The following MACROD2 variants were observed in gnomAD, a reference collection of about 807,000 sequenced individuals.
MACROD2 encodes ADP-ribose glycohydrolase MACROD2.
MACROD2 carries 36 observed loss-of-function variants against 70.4 expected under a neutral mutation model. The observed-to-expected ratio is 0.51, with a 90% CI of 0.39 to 0.68. The LOEUF (loss-of-function observed/expected upper bound fraction) is 0.68, where lower values mean the gene tolerates loss of function less well. Ranked by LOEUF, MACROD2 falls within the 30% of genes least tolerant of loss-of-function variation. The pLI is 0.00. For synonymous variants in MACROD2, 172 were observed against 178.8 expected (o/e 0.96, Z 0.30); for missense variants, 496 against 538.4 (o/e 0.92, Z 0.78).
intron 8 of MACROD2, among the ~76,000 whole-genome samples, chr20:15,526,620 G>T (rs141612939): frequency 4.8e-4 from 73 of 152,290 alleles, no homozygotes; most frequent in African/African-American, 1.7e-3. Flanking sequence ...AGAAAAGGTG[G>T]GTTGACTGTT....
intron 2 of MACROD2, among the ~76,000 whole-genome samples, chr20:14,070,880 G>A (rs1419309387): frequency 6.6e-6 from 1 of 152,054 alleles, no homozygotes; most frequent in African/African-American, 2.4e-5. Context: ...TAAGTGTGAC[G>A]GCTAAGGGAT....
At chr20:15,640,361 G>A (rs6110699) in intron 8 of MACROD2, among the ~76,000 whole-genome samples, 17,138 of 152,070 alleles carry the variant, frequency 0.11, 1,025 homozygotes, top group Middle Eastern at 0.16. Context: ...AGACAAAGAC[G>A]GTGAGACCCA....
At chr20:14,207,396 G>A (rs950889381) in intron 3 of MACROD2, among the ~76,000 whole-genome samples, 7 of 152,126 alleles carry the variant, frequency 4.6e-5, no homozygotes, top group African/African-American at 1.2e-4. Context: ...CACTGTGCCC[G>A]GCCAGAAATG....
chr20:15,095,509 T>TTTTTG (rs200934218), intron 5 of MACROD2, among the ~76,000 whole-genome samples: 1 of 151,964 alleles, frequency 6.6e-6, no homozygotes, highest in African/African-American at 2.4e-5. Flanking sequence ...TGTTTTGTGT[T>TTTTTG]TTTTGTTTTG....
intron 5 of MACROD2, among the ~76,000 whole-genome samples, chr20:14,820,339 T>G (rs951330969): frequency 3.4e-5 from 5 of 148,908 alleles, no homozygotes; most frequent in Admixed American, 1.4e-4. Context: ...GTGGTGGGAT[T>G]AGGAATAATT....
intron 5 of MACROD2, among the ~76,000 whole-genome samples, chr20:14,695,938 C>G (rs2071120491): frequency 6.6e-6 from 1 of 152,158 alleles, no homozygotes; most frequent in East Asian, 1.9e-4. Context: ...AATGCAGCAA[C>G]TATGATCCTG....
chr20:15,631,976 A>G (rs2049297894), intron 8 of MACROD2, among the ~76,000 whole-genome samples: 1 of 152,042 alleles, frequency 6.6e-6, no homozygotes, highest in South Asian at 2.1e-4. Context: ...CGTCTCTACT[A>G]AAAATACAAA....
At chr20:15,618,928 G>A (rs745393496) in intron 8 of MACROD2, among the ~76,000 whole-genome samples, 25 of 152,268 alleles carry the variant, frequency 1.6e-4, no homozygotes, top group Middle Eastern at 3.4e-3. Flanking sequence ...ATAATTTGGC[G>A]GGTGGAGGAA....
In MACROD2 at chr20:15,514,557, A is replaced by G. The variant is rs184434446; in HGVS notation, c.645+14710A>G. ...TGGTAGTCTGTAGCACCAGGTTTGT[A>G]TAAGTATACTCTATGATGTTCAAAC... On this transcript the variant is annotated intron_variant, in intron 8 of 17. Coordinates refer to ENST00000684519, the MANE Select transcript of MACROD2 (RefSeq NM_001351661.2). Among the ~76,000 whole-genome samples the G allele has an allele frequency of 3.5e-3, 530 of 152,336 alleles. 3 individuals carry two copies. The highest frequency in any genetic ancestry group is 0.012 in the African/African-American group (500 of 41,570).
intron 5 of MACROD2, among the ~76,000 whole-genome samples, chr20:15,221,681 C>G (rs767085335): frequency 2.0e-5 from 3 of 152,154 alleles, no homozygotes; most frequent in Non-Finnish European, 4.4e-5. Context: ...TGAGCTTTGC[C>G]TCTTTCTTTT....
At chr20:14,724,191 T>C (rs1393204926) in intron 5 of MACROD2, among the ~76,000 whole-genome samples, 3 of 152,260 alleles carry the variant, frequency 2.0e-5, no homozygotes, top group Non-Finnish European at 4.4e-5. Context: ...TGTTTTTTTT[T>C]CCCACTCATA....
chr20:15,184,170 C>T (rs1336748549), intron 5 of MACROD2, among the ~76,000 whole-genome samples: 1 of 152,174 alleles, frequency 6.6e-6, no homozygotes, highest in Non-Finnish European at 1.5e-5. Flanking sequence ...ACAAATATAA[C>T]ATCCAAAGGA....
At chr20:14,407,493 C>T (rs1008799389) in intron 3 of MACROD2, among the ~76,000 whole-genome samples, 2 of 151,988 alleles carry the variant, frequency 1.3e-5, no homozygotes, top group Middle Eastern at 3.2e-3. Context: ...ACATTGATTC[C>T]CAGCAGTGAA....
At chr20:15,214,338 A>T (rs1157627408) in intron 5 of MACROD2, among the ~76,000 whole-genome samples, 1 of 151,880 alleles carries the variant, frequency 6.6e-6, no homozygotes, top group Non-Finnish European at 1.5e-5. Context: ...TATTCCATGG[A>T]CTCTAAGTCC....
chr20:15,392,904 A>G (rs1477432043), intron 6 of MACROD2, among the ~76,000 whole-genome samples: 3 of 151,782 alleles, frequency 2.0e-5, no homozygotes, highest in African/African-American at 4.8e-5. Flanking sequence ...GATCATTTAT[A>G]TTCAAGGAAA....
chr20:15,249,114 G>GT (rs2077131447), intron 6 of MACROD2, among the ~76,000 whole-genome samples: 1 of 152,176 alleles, frequency 6.6e-6, no homozygotes, highest in African/African-American at 2.4e-5. Flanking sequence ...AAAGGACAAG[G>GT]ACGCTGAGGT....
intron 4 of MACROD2, chr20:14,566,633 T>C (rs1979825550): frequency 6.6e-6 from 1 of 151,956 alleles, no homozygotes; most frequent in African/African-American, 2.4e-5. Context: ...AGGCAATAAT[T>C]TTCAGCTGAT....
intron 7 of MACROD2, among the ~76,000 whole-genome samples, chr20:15,467,989 A>G (rs576447549): frequency 2.6e-5 from 4 of 152,354 alleles, no homozygotes; most frequent in African/African-American, 9.6e-5. Flanking sequence ...GATGCCAGTT[A>G]GGTGGCTATA....
intron 5 of MACROD2, among the ~76,000 whole-genome samples, chr20:14,733,178 C>A (rs2071618479): frequency 6.6e-6 from 1 of 152,090 alleles, no homozygotes; most frequent in Non-Finnish European, 1.5e-5. Context: ...GTTCTTCTTG[C>A]AATGGACTTT....
Sources: allele counts gnomAD v4.1 joint callset (sites outside exome capture counted in the v4.1 genomes callset), GRCh38; gene constraint gnomAD v4.1.1; transcripts MANE v1.5; gene names NCBI Gene and HGNC (gene_info 2026-07-23, HGNC 2026-07-21).